DPP6: variants seen among roughly 807,000 people sequenced by gnomAD.
DPP6 encodes the protein A-type potassium channel modulatory protein DPP6.
A neutral mutation model predicts 122.6 loss-of-function variants in DPP6; 69 were observed. That is an observed-to-expected ratio of 0.56 (90% CI 0.46 to 0.69). The LOEUF is 0.69. DPP6 is among the 30% of genes least tolerant of loss of function. The pLI, the probability that DPP6 is intolerant of heterozygous loss-of-function variation, is 0.00. For synonymous variants in DPP6, 418 were observed against 433.1 expected, an observed-to-expected ratio of 0.97 and a Z score of 0.43; for missense variants, 928 against 1,116.9, an observed-to-expected ratio of 0.83 and a Z score of 2.41.
chr7:154,430,112 C>T (rs959919973), intron 1 of DPP6, among the ~76,000 whole-genome samples: 1 of 152,080 alleles, frequency 6.6e-6, no homozygotes, highest in Non-Finnish European at 1.5e-5. Flanking sequence ...GGCACTGTTG[C>T]GCTCGCCTCC....
At chr7:154,470,237 G>A (rs1236963972) in intron 2 of DPP6, among the ~76,000 whole-genome samples, 1 of 152,194 alleles carries the variant, frequency 6.6e-6, no homozygotes, top group Non-Finnish European at 1.5e-5. Context: ...CTTTGGAGGA[G>A]TCATTTCACC....
At chr7:154,031,703 C>A (rs58921805) in intron 1 of DPP6, among the ~76,000 whole-genome samples, 1 of 151,368 alleles carries the variant, frequency 6.6e-6, no homozygotes, top group Non-Finnish European at 1.5e-5. Context: ...CCTAAAGGAA[C>A]GAGCTTTAGA....
chr7:154,112,118 C>G (rs1806633522), intron 1 of DPP6, among the ~76,000 whole-genome samples: 2 of 152,158 alleles, frequency 1.3e-5, no homozygotes, highest in Admixed American at 1.3e-4. Context: ...TGTTCTGCAA[C>G]TCTGAAGCCA....
intron 3 of DPP6, among the ~76,000 whole-genome samples, chr7:154,525,750 T>TTG (rs1374895414): frequency 8.0e-6 from 1 of 125,692 alleles, no homozygotes; most frequent in Non-Finnish European, 1.8e-5. Flanking sequence ...TGTTGTTTTG[T>TTG]TGTGTTTTTT....
At chr7:154,832,365 G>A (rs1800698409) in intron 16 of DPP6, among the ~76,000 whole-genome samples, 3 of 152,186 alleles carry the variant, frequency 2.0e-5, no homozygotes, top group African/African-American at 7.2e-5. Context: ...CGATAAGTAT[G>A]CATTTGCATG....
chr7:154,370,152 T>A (rs35448766), intron 1 of DPP6, among the ~76,000 whole-genome samples: 13,313 of 151,868 alleles, frequency 0.088, 698 homozygotes, highest in African/African-American at 0.14. Context: ...CCAGCTAATT[T>A]TTGTATTTTT....
chr7:154,094,536 T>G (rs536734582), intron 1 of DPP6: 1 of 152,428 alleles, frequency 6.6e-6, no homozygotes, highest in East Asian at 1.9e-4. Flanking sequence ...AGAAGAGGCA[T>G]GGCTGGGAGG....
intron 1 of DPP6, among the ~76,000 whole-genome samples, chr7:154,349,580 A>G (rs1810680979): frequency 6.6e-6 from 1 of 152,214 alleles, no homozygotes. Flanking sequence ...ATGCTAAGCT[A>G]TGGATCATCA....
At chr7:154,167,217 G>A (rs1349657214) in intron 1 of DPP6, among the ~76,000 whole-genome samples, 3 of 152,188 alleles carry the variant, frequency 2.0e-5, no homozygotes. Flanking sequence ...TGGCTCAGAG[G>A]GACCAGGCGT....
intron 6 of DPP6, among the ~76,000 whole-genome samples, chr7:154,655,645 T>C (rs1302434575): frequency 2.0e-5 from 3 of 152,240 alleles, no homozygotes; most frequent in Admixed American, 6.5e-5. Context: ...TTCAGCAGAA[T>C]CCGGGACATG....
chr7:153,864,633 G>T, the DPP6 span, among the ~76,000 whole-genome samples: 1 of 149,390 alleles, frequency 6.7e-6, no homozygotes, highest in Admixed American at 6.7e-5. Flanking sequence ...CTCCAGCCTG[G>T]GCAACAGAGC....
intron 1 of DPP6, among the ~76,000 whole-genome samples, chr7:154,159,365 C>A (rs1796858479): frequency 6.6e-6 from 1 of 152,198 alleles, no homozygotes; most frequent in Non-Finnish European, 1.5e-5. Context: ...GCTGTTCTCT[C>A]TTCTCACTCC....
intron 1 of DPP6, among the ~76,000 whole-genome samples, chr7:154,125,551 A>G (rs559156300): frequency 3.4e-4 from 52 of 152,322 alleles, no homozygotes; most frequent in South Asian, 6.2e-4. Flanking sequence ...TCCATGTGCC[A>G]TGGCCTCTTA....
the DPP6 span, among the ~76,000 whole-genome samples, chr7:153,797,656 A>G: frequency 6.6e-6 from 1 of 152,218 alleles, no homozygotes; most frequent in East Asian, 1.9e-4. Context: ...ACCAACTACC[A>G]CAGACTGGTG....
chr7:154,345,336 G>T (rs1810306392), intron 1 of DPP6, among the ~76,000 whole-genome samples: 1 of 152,126 alleles, frequency 6.6e-6, no homozygotes, highest in Non-Finnish European at 1.5e-5. Context: ...CTAGGGTGAC[G>T]ATTTCAGCAT....
chr7:154,689,160 G>A (rs1004551106), intron 7 of DPP6, among the ~76,000 whole-genome samples: 2 of 152,086 alleles, frequency 1.3e-5, no homozygotes, highest in Non-Finnish European at 2.9e-5. Context: ...TGCAACCCTC[G>A]CCTTCTAGCT....
chr7:154,352,335 C>T (rs1375631375), intron 1 of DPP6, among the ~76,000 whole-genome samples: 8 of 151,740 alleles, frequency 5.3e-5, no homozygotes, highest in African/African-American at 1.7e-4. Context: ...TGGTGGTGGG[C>T]GCCTGTGGTC....
intron 21 of DPP6, chr7:154,881,167 G>T: frequency 1.4e-6 from 1 of 705,110 alleles, no homozygotes; most frequent in Non-Finnish European, 2.1e-6. Flanking sequence ...GGAAAGAGAA[G>T]GGAAGCCAAG....
intron 5 of DPP6, among the ~76,000 whole-genome samples, chr7:154,592,169 G>A (rs897720594): frequency 2.6e-5 from 4 of 152,178 alleles, no homozygotes; most frequent in East Asian, 1.9e-4. Flanking sequence ...GATCAACGGC[G>A]CCATCATCGG....
Sources: gnomAD v4.1 joint callset for allele counts (sites outside exome capture counted in the v4.1 genomes callset) on GRCh38, gnomAD v4.1.1 for gene constraint, MANE v1.5 for transcripts, NCBI Gene and HGNC (gene_info 2026-07-23, HGNC 2026-07-21) for gene names.